PIK3R1: variants seen among roughly 807,000 people sequenced by gnomAD.
PIK3R1 encodes the protein phosphatidylinositol 3-kinase regulatory subunit alpha.
A neutral mutation model predicts 98.0 loss-of-function variants in PIK3R1; 29 were observed. The ratio of observed to expected loss-of-function variants is 0.30; its 90% CI spans 0.22 to 0.40. The LOEUF (loss-of-function observed/expected upper bound fraction) is 0.40, where lower values mean the gene tolerates loss of function less well. Among genes scored for constraint, PIK3R1 ranks in the 10% least tolerant of loss-of-function variants. PIK3R1 has a pLI of 1.00. For missense variants in PIK3R1, 596 were observed against 872.7 expected (o/e 0.68, Z 3.99); for synonymous variants, 282 against 311.8 (o/e 0.90, Z 1.01).
At chr5:68,271,978 C>G (rs987561114) in intron 2 of PIK3R1, among the ~76,000 whole-genome samples, 1 of 152,026 alleles carries the variant, frequency 6.6e-6, no homozygotes, top group Non-Finnish European at 1.5e-5. Context: ...TGGCCAGGTG[C>G]AGTGGCTCAC....
intron 2 of PIK3R1, among the ~76,000 whole-genome samples, chr5:68,254,653 T>A (rs1369087713): frequency 6.6e-6 from 1 of 152,238 alleles, no homozygotes; most frequent in Non-Finnish European, 1.5e-5. Context: ...CTGGCCTGAA[T>A]GGACTAATAA....
chr5:68,289,328 C>T (rs1747251160), intron 7 of PIK3R1, among the ~76,000 whole-genome samples: 1 of 152,030 alleles, frequency 6.6e-6, no homozygotes. Flanking sequence ...ACAAGGTGAG[C>T]CTGCTTTTCC....
At chr5:68,261,639 G>A (rs141347381) in intron 2 of PIK3R1, among the ~76,000 whole-genome samples, 75 of 152,226 alleles carry the variant, frequency 4.9e-4, no homozygotes, top group African/African-American at 1.6e-3. Flanking sequence ...CATAAAAGAT[G>A]ACCAACAGGG....
In PIK3R1 at chr5:68,226,625, A is replaced by C; in HGVS notation, c.-51A>C. On this transcript the variant is annotated 5_prime_UTR_variant, in exon 2 of 16. Transcript: ENST00000521381. ...ACTTTTCATAAAAACGTAAAATCAG[A>C]CTGCTCTGTACAACCAGGCTCAACT... is the stretch of plus-strand genomic sequence containing the variant. 7.1e-7 allele frequency: 1 copy of C among 1,418,284 alleles called. No individual in the cohort carries two copies. Among genetic ancestry groups the C allele is most frequent in the Non-Finnish European group, 9.8e-7 (1 of 1,020,376 alleles). 87.9% of individuals were successfully genotyped at this position (1,418,284 alleles called of 1,614,324 possible). A position where few individuals can be genotyped will look rare whatever the true frequency, so the allele number is the denominator to read the frequency against.
intron 7 of PIK3R1, among the ~76,000 whole-genome samples, chr5:68,288,144 C>G (rs1747156358): frequency 1.3e-5 from 2 of 152,172 alleles, no homozygotes; most frequent in South Asian, 4.1e-4. Context: ...GCTTCACTGT[C>G]GGCTACTTGA....
intron 7 of PIK3R1, chr5:68,288,518 C>T: frequency 3.0e-6 from 4 of 1,349,034 alleles, no homozygotes; most frequent in South Asian, 1.8e-5. Flanking sequence ...AGGGACGAGC[C>T]GAGCCGAGCC....
chr5:68,260,594 T>TA (rs1331130538), intron 2 of PIK3R1, among the ~76,000 whole-genome samples: 4 of 152,192 alleles, frequency 2.6e-5, no homozygotes, highest in Non-Finnish European at 5.9e-5. Context: ...AAACACTAGT[T>TA]AAGTGATCTT....
chr5:68,229,092 G>A (rs1326986198), intron 2 of PIK3R1, among the ~76,000 whole-genome samples: 1 of 150,202 alleles, frequency 6.7e-6, no homozygotes, highest in Non-Finnish European at 1.5e-5. Flanking sequence ...ATATAAATGA[G>A]AAATTAGTAA....
Position 68,226,903 on chromosome 5 carries a change from T to C in PIK3R1, c.228T>C (p.Tyr76=), listed in dbSNP as rs1744299050. 1 of 1,613,872 alleles carries C rather than the reference T, an allele frequency of 6.2e-7. No individual in the cohort carries two copies. The highest frequency in any genetic ancestry group is 1.3e-5 in the African/African-American group (1 of 74,842). ...ACTTTCCGGGAACTTACGTAGAATA[T>C]ATTGGAAGGAAAAAAATCTCGCCTC... ...RGDFPGTYVE[Y]IGRKKISPPT... Residue 76 remains tyrosine (Y), a synonymous_variant, in exon 2 of 16, where the codon TAT becomes TAC. Transcript: ENST00000521381.
At chr5:68,253,306 T>A (rs1222366676) in intron 2 of PIK3R1, among the ~76,000 whole-genome samples, 1 of 152,226 alleles carries the variant, frequency 6.6e-6, no homozygotes, top group East Asian at 1.9e-4. Context: ...CAAGGATTTA[T>A]GTGTCCCATA....
chr5:68,254,944 T>C (rs1745453617), intron 2 of PIK3R1, among the ~76,000 whole-genome samples: 1 of 152,208 alleles, frequency 6.6e-6, no homozygotes, highest in African/African-American at 2.4e-5. Flanking sequence ...CTCCAAATTC[T>C]TCTCCTGCCT....
chr5:68,294,691 C>G lies in PIK3R1; in HGVS notation c.1568+13C>G, dbSNP rs779251252. 12 of 1,588,642 alleles carry G rather than the reference C, an allele frequency of 7.6e-6. No individual in the cohort carries two copies. Among genetic ancestry groups the G allele is most frequent in the Non-Finnish European group, 1.0e-5 (12 of 1,170,796 alleles). On this transcript the variant is annotated intron_variant, in intron 12 of 15. Transcript: ENST00000521381. ...AAGAAATACAAAGGTTGGTGTTTCC[C>G]TTGTTCTTGTGCTAGAGATAACCAA...
chr5:68,296,020 A>G, intron 14 of PIK3R1, 151 bp from the exon 15 acceptor site: 2 of 651,178 alleles, frequency 3.1e-6, no homozygotes, highest in South Asian at 2.0e-5. Flanking sequence ...AGGAAAACTC[A>G]GGTCGGGCAG....
rs1346958920 is a variant in PIK3R1, at chr5:68,262,967, ACATATATACATG to A, written c.335-10422_335-10411del. On this transcript the variant is annotated intron_variant, in intron 2 of 15. Coordinates refer to ENST00000521381, the MANE Select transcript of PIK3R1 (RefSeq NM_181523.3). ...TGTAGATACATGTAGATACATGTATACATATATACATGTAGATACATGTAGATACATGTATAC... is the reference window on the plus strand; with the variant it reads ...TGTAGATACATGTAGATACATGTATATAGATACATGTAGATACATGTATAC... 1.6e-3 allele frequency among the ~76,000 whole-genome samples: 105 copies of A among 64,028 alleles called. 34 individuals carry two copies. The highest frequency in any genetic ancestry group is 0.019 in the Middle Eastern group (1 of 54). The allele number at this position is 64,028 out of a possible 152,430, so 42.0% of individuals were successfully genotyped here.
chr5:68,253,032 C>T (rs1335708319), intron 2 of PIK3R1, among the ~76,000 whole-genome samples: 1 of 152,150 alleles, frequency 6.6e-6, no homozygotes, highest in African/African-American at 2.4e-5. Flanking sequence ...GGCAAGTGTG[C>T]ATTTATTTAC....
In PIK3R1 at chr5:68,298,571, T is replaced by TA. The variant is rs36055833; in HGVS notation, c.*982dup. The TA allele has an allele frequency of 0.29, 62,986 of 217,042 alleles. 7,674 individuals carry two copies. The highest frequency in any genetic ancestry group is 0.48 in the African/African-American group (20,979 of 44,036). 13.4% of individuals were successfully genotyped at this position (217,042 alleles called of 1,614,324 possible). A position where few individuals can be genotyped will look rare whatever the true frequency, so the allele number is the denominator to read the frequency against. On this transcript the variant is annotated 3_prime_UTR_variant, in exon 16 of 16. Coordinates refer to ENST00000521381, the MANE Select transcript of PIK3R1 (RefSeq NM_181523.3). ...TAAAAGTAAATGTACAGGATGCCAG[T>TA]AAAAAAAAAAAATGGCTTCAGAATT... is the stretch of plus-strand genomic sequence containing the variant.
chr5:68,259,643 A>G (rs954842298), intron 2 of PIK3R1, among the ~76,000 whole-genome samples: 3 of 152,232 alleles, frequency 2.0e-5, no homozygotes, highest in Admixed American at 6.5e-5. Context: ...AAGTAGAGAA[A>G]TGGATCAAAG....
At chr5:68,275,693 CA>C (rs1335048920) in intron 4 of PIK3R1, among the ~76,000 whole-genome samples, 2 of 151,932 alleles carry the variant, frequency 1.3e-5, no homozygotes, top group African/African-American at 2.4e-5. Flanking sequence ...TGCCCCACCC[CA>C]AAAAATATAA....
chr5:68,288,603 G>C, intron 7 of PIK3R1: 1 of 1,553,444 alleles, frequency 6.4e-7, no homozygotes, highest in Non-Finnish European at 8.6e-7. Flanking sequence ...TCTCGGCGCC[G>C]GACACGAGCA....
Sources: allele counts gnomAD v4.1 joint callset (sites outside exome capture counted in the v4.1 genomes callset), GRCh38; gene constraint gnomAD v4.1.1; transcripts MANE v1.5; gene names NCBI Gene and HGNC (gene_info 2026-07-23, HGNC 2026-07-21).